CARF: variants seen among roughly 807,000 people sequenced by gnomAD.
CARF encodes the protein calcium-responsive transcription factor.
Under a neutral mutation model 82.0 loss-of-function variants are expected in CARF, and 57 were observed. That is an observed-to-expected ratio of 0.70 (90% CI 0.56 to 0.87). CARF has a LOEUF of 0.87. Ranked by LOEUF, CARF falls within the 40% of genes least tolerant of loss-of-function variation. The pLI is 0.00. For synonymous variants in CARF, 268 were observed against 290.1 expected, an observed-to-expected ratio of 0.92 and a Z score of 0.77; for missense variants, 771 against 855.8, an observed-to-expected ratio of 0.90 and a Z score of 1.24.
At chr2:202,956,729 A>C (rs2059062267) in intron 8 of CARF, among the ~76,000 whole-genome samples, 1 of 152,148 alleles carries the variant, frequency 6.6e-6, no homozygotes, top group African/African-American at 2.4e-5. Context: ...TTAGACACCC[A>C]GGCATAAAGT....
chr2:202,917,123 A>G (rs1295301112), intron 1 of CARF, among the ~76,000 whole-genome samples: 2 of 138,336 alleles, frequency 1.4e-5, no homozygotes, highest in African/African-American at 2.7e-5. Context: ...AGGCAGGAGA[A>G]TGGCGTGAAC....
At chr2:202,942,528 C>T (rs2058279185) in intron 4 of CARF, 2 of 815,438 alleles carry the variant, frequency 2.5e-6, no homozygotes, top group Non-Finnish European at 3.0e-6. Flanking sequence ...GGTTCCATTC[C>T]TGTGGACAAT....
intron 3 of CARF, among the ~76,000 whole-genome samples, chr2:202,927,396 C>A (rs1285191453): frequency 2.0e-5 from 3 of 151,624 alleles, no homozygotes; most frequent in Non-Finnish European, 4.4e-5. Flanking sequence ...TGATGATATA[C>A]AACATGATGT....
At chr2:202,923,695 G>A (rs1691267781) in intron 2 of CARF, among the ~76,000 whole-genome samples, 1 of 152,100 alleles carries the variant, frequency 6.6e-6, no homozygotes, top group African/African-American at 2.4e-5. Context: ...GAACAAATCC[G>A]GAGGCATTAC....
intron 8 of CARF, among the ~76,000 whole-genome samples, chr2:202,958,946 T>C (rs2059180969): frequency 6.8e-6 from 1 of 146,460 alleles, no homozygotes; most frequent in Non-Finnish European, 1.5e-5. Context: ...GCTGAGGAAA[T>C]ATTTTCTGCA....
At chr2:202,965,281 C>T (rs1430590780) in intron 9 of CARF, among the ~76,000 whole-genome samples, 1 of 152,124 alleles carries the variant, frequency 6.6e-6, no homozygotes, top group Non-Finnish European at 1.5e-5. Context: ...AAGAATACCT[C>T]CTCGGTGTGC....
rs188289984 is a variant in CARF, at chr2:202,929,910, G to A, written c.-44+5495G>A. ...ACCCAGCTCATTGGTATTTTTATAAGGATTGCAGTGAATCTGTTGATCGCC... is the reference window on the plus strand; with the variant it reads ...ACCCAGCTCATTGGTATTTTTATAAAGATTGCAGTGAATCTGTTGATCGCC... On this transcript the variant is annotated intron_variant, in intron 3 of 16. Coordinates refer to ENST00000438828, the MANE Select transcript of CARF (RefSeq NM_024744.17). 9.9e-5 allele frequency among the ~76,000 whole-genome samples: 15 copies of A among 151,962 alleles called. No individual in the cohort carries two copies. The East Asian group carries it at 2.9e-3, about 29-fold the overall frequency.
rs975745195 is a variant in CARF at position 202,987,848 on chromosome 2, A to T, written c.*4224A>T. Among the ~76,000 whole-genome samples, 1 of 152,192 alleles carries T rather than the reference A, an allele frequency of 6.6e-6. No homozygotes were observed. ...AATTGAAATACAATAAACTGTACATATTTAAAGTACCCAATATGATAAGTT... is the reference window on the plus strand; with the variant it reads ...AATTGAAATACAATAAACTGTACATTTTTAAAGTACCCAATATGATAAGTT... On this transcript the variant is annotated 3_prime_UTR_variant, in exon 17 of 17. Transcript: ENST00000438828.
In CARF at chr2:202,917,238, C is replaced by CATT. The variant is rs1559177357; in HGVS notation, c.-329-639_-329-638insATT. 3.3e-3 allele frequency among the ~76,000 whole-genome samples: 313 copies of CATT among 94,086 alleles called. 3 individuals carry two copies. Among genetic ancestry groups the CATT allele is most frequent in the African/African-American group, 0.011 (294 of 27,564 alleles). The allele number at this position is 94,086 out of a possible 152,430, so 61.7% of individuals were successfully genotyped here. ...AAAAAAAAAAAAAAAAAAAAAAAAGCGCTGAGCTGCTAATTTTACAGATGC... is the reference window on the plus strand; with the variant it reads ...AAAAAAAAAAAAAAAAAAAAAAAAGCATTGCTGAGCTGCTAATTTTACAGATGC... On this transcript the variant is annotated intron_variant, in intron 1 of 16. Transcript: ENST00000438828.
chr2:202,980,953 A>G (rs1367710220), intron 14 of CARF, among the ~76,000 whole-genome samples: 2 of 152,062 alleles, frequency 1.3e-5, no homozygotes, highest in Non-Finnish European at 2.9e-5. Context: ...AGGTCCTGGA[A>G]CCAGTCTTCC....
At chr2:202,915,769 T>G (rs988232143) in intron 1 of CARF, among the ~76,000 whole-genome samples, 3 of 148,260 alleles carry the variant, frequency 2.0e-5, no homozygotes, top group African/African-American at 7.5e-5. Context: ...ACCTAGCCTG[T>G]TTTTTTTTGT....
intron 3 of CARF, among the ~76,000 whole-genome samples, chr2:202,933,374 C>G (rs1301364562): frequency 1.3e-5 from 2 of 152,102 alleles, no homozygotes; most frequent in African/African-American, 4.8e-5. Flanking sequence ...AACTACAGTG[C>G]CTGGGACACA....
chr2:202,966,917 A>G, intron 9 of CARF, 61 bp from the exon 10 acceptor site: 1 of 1,509,994 alleles, frequency 6.6e-7, no homozygotes. Flanking sequence ...GTTACTTTTA[A>G]TCTAGTGTCT....
At chr2:202,922,149 C>T (rs972154967) in intron 2 of CARF, among the ~76,000 whole-genome samples, 1 of 151,986 alleles carries the variant, frequency 6.6e-6, no homozygotes, top group Non-Finnish European at 1.5e-5. Context: ...AATTTTTAAT[C>T]TTTTGAGACA....
chr2:202,956,190 A>C (rs1386401784), intron 8 of CARF, among the ~76,000 whole-genome samples: 1 of 151,428 alleles, frequency 6.6e-6, no homozygotes, highest in East Asian at 1.9e-4. Flanking sequence ...GTTGACTTTC[A>C]ACTGACATCT....
intron 8 of CARF, among the ~76,000 whole-genome samples, chr2:202,956,436 A>G (rs1161080881): frequency 6.6e-6 from 1 of 151,856 alleles, no homozygotes; most frequent in African/African-American, 2.4e-5. Flanking sequence ...TTGTATTTTT[A>G]GCAGAGATGG....
intron 3 of CARF, chr2:202,925,008 G>T (rs1285417865): frequency 2.6e-6 from 1 of 390,798 alleles, no homozygotes. Flanking sequence ...AGACCAAGTG[G>T]ATCCTTTTGC....
intron 3 of CARF, among the ~76,000 whole-genome samples, chr2:202,936,783 T>C (rs747492696): frequency 8.5e-5 from 13 of 152,208 alleles, no homozygotes; most frequent in Admixed American, 7.9e-4. Flanking sequence ...ATGGTGACCT[T>C]TGTACAAAAA....
At chr2:202,917,014 T>C (rs1022799039) in intron 1 of CARF, among the ~76,000 whole-genome samples, 6 of 151,706 alleles carry the variant, frequency 4.0e-5, no homozygotes, top group Non-Finnish European at 8.8e-5. Flanking sequence ...ATCGAGACCA[T>C]CCCGGCTAAC....
Sources: gnomAD v4.1 joint callset for allele counts (sites outside exome capture counted in the v4.1 genomes callset) on GRCh38, gnomAD v4.1.1 for gene constraint, MANE v1.5 for transcripts, NCBI Gene and HGNC (gene_info 2026-07-23, HGNC 2026-07-21) for gene names.